The following PTPRM variants were observed in gnomAD, a reference collection of about 807,000 sequenced individuals.
The protein encoded by PTPRM is protein tyrosine phosphatase receptor type M, also known as receptor-type tyrosine-protein phosphatase mu.
PTPRM carries 47 observed loss-of-function variants against 186.7 expected under a neutral mutation model. The ratio of observed to expected loss-of-function variants is 0.25; its 90% confidence interval spans 0.20 to 0.32. PTPRM has a LOEUF of 0.32. Among genes scored for constraint, PTPRM ranks in the 10% least tolerant of loss-of-function variants. The probability of loss-of-function intolerance (pLI) is 1.00; values close to 1 mark genes in which losing one functional copy is unlikely to be tolerated. For missense variants in PTPRM, 1,494 were observed against 1,865.0 expected (o/e 0.80, Z 3.66); for synonymous variants, 668 against 674.9 (o/e 0.99, Z 0.16).
At chr18:7,600,126 C>A (rs1419598554) in intron 1 of PTPRM, among the ~76,000 whole-genome samples, 4 of 152,214 alleles carry the variant, frequency 2.6e-5, no homozygotes, top group African/African-American at 4.8e-5. Context: ...AACCTAGCTC[C>A]TCCTGGTCTA....
intron 20 of PTPRM, among the ~76,000 whole-genome samples, chr18:8,303,239 A>C (rs984132154): frequency 6.6e-6 from 1 of 152,080 alleles, no homozygotes; most frequent in African/African-American, 2.4e-5. Flanking sequence ...CTAGTACAGC[A>C]GAGACTCTGA....
chr18:8,100,368 T>TGACCTCAAGTGTATAATAA (rs2091239283), intron 11 of PTPRM, among the ~76,000 whole-genome samples: 1 of 152,178 alleles, frequency 6.6e-6, no homozygotes, highest in African/African-American at 2.4e-5. Flanking sequence ...TGTGAACTCC[T>TGACCTCAAGTGTATAATAA]GACCTCAAGT....
chr18:7,908,748 T>A (rs9676009), intron 4 of PTPRM, among the ~76,000 whole-genome samples: 42,238 of 152,018 alleles, frequency 0.28, 6,246 homozygotes, highest in East Asian at 0.44. Flanking sequence ...ATGAAAAGAC[T>A]GGAAAACCAT....
intron 14 of PTPRM, among the ~76,000 whole-genome samples, chr18:8,153,361 G>A (rs900240797): frequency 7.2e-5 from 11 of 152,222 alleles, no homozygotes; most frequent in Admixed American, 3.3e-4. Context: ...TCTGGTAGTC[G>A]TTGAGGTTAT....
At chr18:7,623,815 T>C (rs1161510254) in intron 1 of PTPRM, among the ~76,000 whole-genome samples, 1 of 152,138 alleles carries the variant, frequency 6.6e-6, no homozygotes, top group Non-Finnish European at 1.5e-5. Context: ...GTAGGTGGCA[T>C]TGTTCCTCCT....
chr18:8,025,644 A>G (rs1036589779), intron 7 of PTPRM, among the ~76,000 whole-genome samples: 13 of 152,240 alleles, frequency 8.5e-5, no homozygotes, highest in Non-Finnish European at 1.9e-4. Flanking sequence ...GAAATGAATT[A>G]TTTCAACAGC....
At chr18:8,211,677 A>G (rs1262950386) in intron 14 of PTPRM, among the ~76,000 whole-genome samples, 1 of 152,100 alleles carries the variant, frequency 6.6e-6, no homozygotes, top group Non-Finnish European at 1.5e-5. Context: ...TGCTGGGATT[A>G]CAGGCGTGAG....
intron 7 of PTPRM, among the ~76,000 whole-genome samples, chr18:7,975,414 G>A (rs1392764926): frequency 6.6e-6 from 1 of 152,176 alleles, no homozygotes; most frequent in East Asian, 1.9e-4. Flanking sequence ...TGAGACAATT[G>A]AATATTTTTC....
At position 7,889,539 on chromosome 18, in the gene PTPRM, A is replaced by G. The variant is rs150393646; in HGVS notation, c.468+1162A>G. Among the ~76,000 whole-genome samples, 1,181 of 151,852 alleles carry G rather than the reference A, an allele frequency of 7.8e-3. 15 individuals are homozygous for G. The highest frequency in any genetic ancestry group is 0.027 in the African/African-American group (1,115 of 41,390). Reference sequence around the variant, plus strand: ...TTTTTTGTAGAGACAGGGCCTTGCTATGTTGCCCAGGCTGGTCTCAAACTT... The same window carrying G: ...TTTTTTGTAGAGACAGGGCCTTGCTGTGTTGCCCAGGCTGGTCTCAAACTT... On this transcript the variant is annotated intron_variant, in intron 3 of 32. Coordinates refer to ENST00000580170, the MANE Select transcript of PTPRM (RefSeq NM_001105244.2).
chr18:8,030,452 T>C (rs1377262908), intron 7 of PTPRM, among the ~76,000 whole-genome samples: 2 of 152,202 alleles, frequency 1.3e-5, no homozygotes, highest in Non-Finnish European at 2.9e-5. Context: ...GAGAATTTGC[T>C]CAAAACCATG....
intron 14 of PTPRM, among the ~76,000 whole-genome samples, chr18:8,193,200 A>G (rs1366372874): frequency 6.6e-6 from 1 of 152,192 alleles, no homozygotes; most frequent in African/African-American, 2.4e-5. Context: ...ATATTGAGAA[A>G]CAGCAAGAGA....
At chr18:8,004,365 G>A (rs1308497610) in intron 7 of PTPRM, among the ~76,000 whole-genome samples, 1 of 151,812 alleles carries the variant, frequency 6.6e-6, no homozygotes, top group Non-Finnish European at 1.5e-5. Context: ...TGCCTTATAG[G>A]GAATTGCGTA....
chr18:7,568,832 G>A lies in PTPRM; in HGVS notation c.73+941G>A, dbSNP rs1258765510. The stretch of plus-strand genomic sequence containing the variant: ...TCCGGCGTGGGGGCGAACCCGGCAC[G>A]CTGTCACAGGGGTTTACAACCAGGA... On this transcript the variant is annotated intron_variant, in intron 1 of 32. Transcript: ENST00000580170. The surrounding 1 kb of genome is among the most constrained non-coding windows in gnomAD (Gnocchi z 5.1). Among the ~76,000 whole-genome samples the A allele has an allele frequency of 4.6e-5, 7 of 152,292 alleles. No individual in the cohort carries two copies. Among genetic ancestry groups the A allele is most frequent in the Non-Finnish European group, 1.0e-4 (7 of 68,020 alleles).
At chr18:8,189,253 C>CT (rs2093679694) in intron 14 of PTPRM, among the ~76,000 whole-genome samples, 1 of 144,524 alleles carries the variant, frequency 6.9e-6, no homozygotes, top group South Asian at 2.2e-4. Flanking sequence ...GCTGGCACCA[C>CT]TGTACTCCAA....
intron 2 of PTPRM, among the ~76,000 whole-genome samples, chr18:7,813,502 G>C (rs2044639883): frequency 6.6e-6 from 1 of 152,120 alleles, no homozygotes; most frequent in African/African-American, 2.4e-5. Context: ...TGAAGACAGA[G>C]GACCTGGCTC....
chr18:8,179,899 C>T (rs1306852055), intron 14 of PTPRM, among the ~76,000 whole-genome samples: 1 of 152,138 alleles, frequency 6.6e-6, no homozygotes, highest in Non-Finnish European at 1.5e-5. Flanking sequence ...ACCTTTATAA[C>T]CTTTGAATTA....
At chr18:7,741,203 A>C (rs1245526748) in intron 1 of PTPRM, 4 of 152,222 alleles carry the variant, frequency 2.6e-5, no homozygotes, top group African/African-American at 9.6e-5. Context: ...AACCTTCTGA[A>C]AAATTTTTAG....
intron 14 of PTPRM, among the ~76,000 whole-genome samples, chr18:8,230,756 A>T (rs894303500): frequency 6.6e-6 from 1 of 152,248 alleles, no homozygotes; most frequent in African/African-American, 2.4e-5. Context: ...GGAATAATTA[A>T]ATATCAGACC....
chr18:7,942,991 A>G (rs1444875164), intron 5 of PTPRM, among the ~76,000 whole-genome samples: 1 of 152,180 alleles, frequency 6.6e-6, no homozygotes, highest in African/African-American at 2.4e-5. Flanking sequence ...TGTGCATGTC[A>G]GGATTTCAAA....
Sources: allele counts gnomAD v4.1 joint callset (sites outside exome capture counted in the v4.1 genomes callset), GRCh38; gene constraint gnomAD v4.1.1; non-coding constraint Gnocchi (gnomAD v3.1); transcripts MANE v1.5; gene names NCBI Gene and HGNC (gene_info 2026-07-23, HGNC 2026-07-21).